The following ARHGEF15 variants were observed in gnomAD, a reference collection of about 807,000 sequenced individuals.
ARHGEF15 encodes the protein Rho guanine nucleotide exchange factor 15, also known as Rho guanine nucleotide exchange factor (GEF) 15.
A neutral mutation model predicts 79.7 loss-of-function variants in ARHGEF15; 58 were observed. The observed-to-expected ratio is 0.73, with a 90% CI of 0.59 to 0.91. The LOEUF (loss-of-function observed/expected upper bound fraction) is 0.91, where lower values mean the gene tolerates loss of function less well. ARHGEF15 is among the 40% of genes least tolerant of loss of function. ARHGEF15 has a pLI of 0.00. For missense variants in ARHGEF15, 1,012 were observed against 1,108.1 expected (o/e 0.91, Z 1.23); for synonymous variants, 442 against 456.0 (o/e 0.97, Z 0.39).
chr17:8,314,823 C>T lies in ARHGEF15; in HGVS notation c.990-83C>T, dbSNP rs1013759315. The T allele has an allele frequency of 2.4e-5, 37 of 1,567,448 alleles. No individual in the cohort carries two copies. In the East Asian group the frequency reaches 5.6e-4, roughly 24 times the overall value. On this transcript the variant is annotated intron_variant, in intron 4 of 15. Coordinates refer to ENST00000361926, the MANE Select transcript of ARHGEF15 (RefSeq NM_173728.4). ...CTACATCCAACCTGCACATGGGTTGCCCTGTCCAGCATGAGAACAAGCACC... is the reference window on the plus strand; with the variant it reads ...CTACATCCAACCTGCACATGGGTTGTCCTGTCCAGCATGAGAACAAGCACC...
At chr17:8,311,367 C>T (rs577632883) in intron 1 of ARHGEF15, among the ~76,000 whole-genome samples, 34 of 152,188 alleles carry the variant, frequency 2.2e-4, no homozygotes, top group Admixed American at 1.5e-3. Context: ...CTAGGGCAGG[C>T]GGGGATGATC....
At position 8,319,142 on chromosome 17, in the gene ARHGEF15, A is replaced by G; in HGVS notation, c.2169A>G (p.Leu723=). ...ACCAGGGCCGCCCCACCCACCGACT[A>G]CTCCAAGCTTCTTCCCTGTGAGTTG... ...SNHQGRPTHR[L]LQASSLSDMQ... is the part of the protein sequence containing the mutation. The change falls in exon 13 of 16, where the codon CTA becomes CTG. Residue 723 remains leucine (L), a synonymous_variant. Transcript: ENST00000361926. 1 of 1,612,982 alleles carries G rather than the reference A, an allele frequency of 6.2e-7. No homozygotes were observed. Among genetic ancestry groups the G allele is most frequent in the Non-Finnish European group, 8.5e-7 (1 of 1,179,728 alleles).
rs1306751298 is a variant in ARHGEF15 at position 8,312,978 on chromosome 17, G to C, written c.658G>C (p.Gly220Arg). ...CTGTGTCTGCCACACCACCCGGCCT[G>C]GCCTGGAGCTCAGATGGGTGCCTGT... ...CPCVCHTTRP[G>R]LELRWVPVGG... The change falls in exon 3 of 16, where the codon GGC becomes CGC. Residue 220 changes from glycine (G) to arginine (R), a missense_variant. Physicochemically the swap from Gly to Arg is moderately radical, Grantham distance 125 (BLOSUM62 -2). Transcript: ENST00000361926. 1.2e-6 allele frequency: 2 copies of C among 1,604,570 alleles called. No homozygotes were observed. Among genetic ancestry groups the C allele is most frequent in the Admixed American group, 3.4e-5 (2 of 59,558 alleles).
At position 8,315,656 on chromosome 17, in the gene ARHGEF15, T is replaced by C; in HGVS notation, c.1421+82T>C. 3.1e-6 allele frequency: 5 copies of C among 1,590,706 alleles called. No homozygotes were observed. The highest frequency in any genetic ancestry group is 4.3e-6 in the Non-Finnish European group (5 of 1,170,444). ...TTCCTCTCTCCCGGGCCCAGGTCCT[T>C]CCTTCTACGGACCCAGTTAGTTCCC... On this transcript the variant is annotated intron_variant, in intron 7 of 15. Coordinates refer to ENST00000361926, the MANE Select transcript of ARHGEF15 (RefSeq NM_173728.4). The surrounding 1 kb of genome is among the most constrained non-coding windows in gnomAD (Gnocchi z 4.3).
chr17:8,316,539 G>T (rs1288962464), intron 9 of ARHGEF15, among the ~76,000 whole-genome samples: 2 of 152,210 alleles, frequency 1.3e-5, no homozygotes, highest in African/African-American at 4.8e-5. Context: ...TGCCTTCCCA[G>T]CTGGGGTGGT....
rs1195811140 is a variant in ARHGEF15 at position 8,318,469 on chromosome 17, G to A, written c.1779+8G>A. On this transcript the variant is annotated splice_region_variant and intron_variant, in intron 10 of 15. Coordinates refer to ENST00000361926, the MANE Select transcript of ARHGEF15 (RefSeq NM_173728.4). The surrounding 1 kb of genome is among the most constrained non-coding windows in gnomAD (Gnocchi z 5.0). ...CTGGGTGCTGTCAGCAAGGTGGGCA[G>A]TGGGGAAGCTGAAGCAGGGGGAGGT... 6.2e-7 allele frequency: 1 copy of A among 1,614,104 alleles called. No individual in the cohort carries two copies. The highest frequency in any genetic ancestry group is 1.7e-5 in the Admixed American group (1 of 60,022).
At chr17:8,312,752 G>C in intron 2 of ARHGEF15, 112 bp downstream of exon 2, 1 of 1,594,824 alleles carries the variant, frequency 6.3e-7, no homozygotes, top group Non-Finnish European at 8.5e-7. Flanking sequence ...TAATGTTTGG[G>C]ATATCTGGTT....
intron 9 of ARHGEF15, among the ~76,000 whole-genome samples, chr17:8,316,987 T>C (rs1905066555): frequency 1.3e-5 from 2 of 152,176 alleles, no homozygotes; most frequent in African/African-American, 4.8e-5. Flanking sequence ...TTCACCATGT[T>C]GGCCAGGCTG....
At position 8,315,517 on chromosome 17, in the gene ARHGEF15, C is replaced by T. The variant is rs755636448; in HGVS notation, c.1364C>T (p.Pro455Leu). 4 of 1,612,176 alleles carry T rather than the reference C, an allele frequency of 2.5e-6. No individual in the cohort carries two copies. The African/African-American group carries it at 5.3e-5, about 22-fold the overall frequency. Reference sequence around the variant, plus strand: ...CAGGCACTCCGGGACACGCTCACCCCCCGTGATCACCACACACTCTTCTCC... The same window carrying T: ...CAGGCACTCCGGGACACGCTCACCCTCCGTGATCACCACACACTCTTCTCC... ...LSQALRDTLTPRDHHTLFSNV... is the reference protein window; with the variant it reads ...LSQALRDTLTLRDHHTLFSNV... The change falls in exon 7 of 16, where the codon CCC (proline) becomes CTC (leucine). Residue 455 changes from proline to leucine, a missense_variant. Pro to Leu is a moderately conservative substitution (Grantham distance 98, BLOSUM62 -3). This residue lies in a region of ARHGEF15 where 818 missense variants were observed against 882.5 expected (regional missense o/e 0.93). Transcript: ENST00000361926. The surrounding 1 kb of genome is among the most constrained non-coding windows in gnomAD (Gnocchi z 4.3).
chr17:8,313,732 C>A, intron 4 of ARHGEF15, 177 bp downstream of exon 4: 1 of 571,788 alleles, frequency 1.7e-6, no homozygotes, highest in African/African-American at 1.9e-5. Flanking sequence ...CTTATCAATT[C>A]TGTGATCTTA....
At chr17:8,313,709 C>A in intron 4 of ARHGEF15, 154 bp downstream of exon 4, 1 of 702,460 alleles carries the variant, frequency 1.4e-6, no homozygotes, top group Non-Finnish European at 2.3e-6. Context: ...TGTTTCGAAT[C>A]CCAGCTCTGG....
Position 8,313,083 on chromosome 17 carries a change from A to G in ARHGEF15, c.763A>G (p.Ser255Gly). ...RTSRSRPHPPSIGHPAVVLTS... is the reference protein window; with the variant it reads ...RTSRSRPHPPGIGHPAVVLTS... ...CTCTCGCTCCCGCCCCCACCCTCCA[A>G]GCATCGGTCACCCTGCCGTTGTCCT... The change falls in exon 3 of 16, where the codon AGC becomes GGC. Residue 255 changes from serine to glycine, a missense_variant. Around this residue, in one of 3 missense-constraint regions of ARHGEF15, gnomAD observed 818 missense variants for 882.5 expected, o/e 0.93. Coordinates refer to ENST00000361926, the MANE Select transcript of ARHGEF15 (RefSeq NM_173728.4). The G allele has an allele frequency of 6.2e-7, 1 of 1,612,042 alleles. No homozygotes were observed. The highest frequency in any genetic ancestry group is 8.5e-7 in the Non-Finnish European group (1 of 1,179,156).
intron 15 of ARHGEF15, 114 bp downstream of exon 15, chr17:8,319,717 C>T: frequency 6.4e-6 from 5 of 777,634 alleles, no homozygotes; most frequent in Non-Finnish European, 9.3e-6. Context: ...CTCACTGCAA[C>T]CTCTGCCTCC....
chr17:8,317,895 C>T (rs539357212), intron 9 of ARHGEF15, among the ~76,000 whole-genome samples: 100 of 152,126 alleles, frequency 6.6e-4, no homozygotes, highest in African/African-American at 2.3e-3. Context: ...GGTGAAACCC[C>T]GCTTCTACTA....
In ARHGEF15 at chr17:8,319,084, C is replaced by T. The variant is rs1331894340; in HGVS notation, c.2111C>T (p.Pro704Leu). ...QAQQVPDPSG[P>L]PTFRLSLLSN... ...CAGCAGGTTCCGGATCCATCTGGAC[C>T]CCCTACCTTCCGCCTCTCCCTTCTC... The change falls in exon 13 of 16, where the codon CCC becomes CTC. Residue 704 changes from proline (P) to leucine (L), a missense_variant. Transcript: ENST00000361926. 4 of 1,613,894 alleles carry T rather than the reference C, an allele frequency of 2.5e-6. No individual in the cohort carries two copies. In the African/African-American group the frequency reaches 5.3e-5, roughly 22 times the overall value.
At position 8,318,251 on chromosome 17, in the gene ARHGEF15, C is replaced by A; in HGVS notation, c.1705-136C>A. ...GAGGTAACAGGACTTGCTCAGGGTT[C>A]TGCAGATGGTGAGTGATGAGGTCTG... On this transcript the variant is annotated intron_variant, in intron 9 of 15. Coordinates refer to ENST00000361926, the MANE Select transcript of ARHGEF15 (RefSeq NM_173728.4). This position sits in a 1 kb window ranked among gnomAD's most constrained non-coding sequence, Gnocchi z 5.0. 1.2e-6 allele frequency: 1 copy of A among 827,464 alleles called. No individual in the cohort carries two copies. Among genetic ancestry groups the A allele is most frequent in the Non-Finnish European group, 2.0e-6 (1 of 508,510 alleles). The allele number at this position is 827,464 out of a possible 1,614,324, so 51.3% of individuals were successfully genotyped here.
At position 8,312,182 on chromosome 17, in the gene ARHGEF15, G is replaced by A. The variant is rs761325531; in HGVS notation, c.143G>A (p.Arg48Gln). ...HNGSSPQELP[R>Q]NSNDAPTPMC... Reference sequence around the variant, plus strand: ...GGCTCCTCTCCACAAGAACTACCCCGAAACTCCAATGATGCACCAACCCCA... The same window carrying A: ...GGCTCCTCTCCACAAGAACTACCCCAAAACTCCAATGATGCACCAACCCCA... Residue 48 changes from arginine (R) to glutamine (Q), a missense_variant, in exon 2 of 16, where the codon CGA becomes CAA. This residue lies in a region of ARHGEF15 where 818 missense variants were observed against 882.5 expected (regional missense o/e 0.93). Coordinates refer to ENST00000361926, the MANE Select transcript of ARHGEF15 (RefSeq NM_173728.4). 29 of 1,577,520 alleles carry A rather than the reference G, an allele frequency of 1.8e-5. No homozygotes were observed. Among genetic ancestry groups the A allele is most frequent in the African/African-American group, 4.2e-5 (3 of 71,798 alleles).
intron 1 of ARHGEF15, 120 bp downstream of exon 1, chr17:8,310,463 A>T (rs1904533389): frequency 6.6e-6 from 1 of 152,070 alleles, no homozygotes; most frequent in Non-Finnish European, 1.5e-5. Context: ...CAAGTCGGGG[A>T]AAGATGGTGA....
In ARHGEF15 at chr17:8,315,520, G is replaced by T. The variant is rs1904963474; in HGVS notation, c.1367G>T (p.Arg456Leu). Residue 456 changes from arginine (R) to leucine (L), a missense_variant, in exon 7 of 16, where the codon CGT becomes CTT. Coordinates refer to ENST00000361926, the MANE Select transcript of ARHGEF15 (RefSeq NM_173728.4). This position sits in a 1 kb window ranked among gnomAD's most constrained non-coding sequence, Gnocchi z 4.3. ...GCACTCCGGGACACGCTCACCCCCC[G>T]TGATCACCACACACTCTTCTCCAAT... ...SQALRDTLTP[R>L]DHHTLFSNVQ... The T allele has an allele frequency of 6.2e-7, 1 of 1,612,264 alleles. No homozygotes were observed.
Sources: allele counts gnomAD v4.1 joint callset (sites outside exome capture counted in the v4.1 genomes callset), GRCh38; gene constraint gnomAD v4.1.1; regional missense constraint gnomAD v4.1.1; non-coding constraint Gnocchi (gnomAD v3.1); transcripts MANE v1.5; gene names NCBI Gene and HGNC (gene_info 2026-07-23, HGNC 2026-07-21).